The following KLRG1 variants were observed in gnomAD, a reference collection of about 807,000 sequenced individuals.
The protein encoded by KLRG1 is killer cell lectin like receptor G1.
A neutral mutation model predicts 21.8 loss-of-function variants in KLRG1; 16 were observed. The ratio of observed to expected loss-of-function variants is 0.73; its 90% CI spans 0.50 to 1.11. KLRG1 has a LOEUF of 1.11. Ranked by LOEUF, KLRG1 falls within the 50% of genes most tolerant of loss-of-function variation. The probability of loss-of-function intolerance (pLI) is 0.00; values close to 1 mark genes in which losing one functional copy is unlikely to be tolerated. For missense variants in KLRG1, 173 were observed against 218.3 expected, an observed-to-expected ratio of 0.79 and a Z score of 1.31; for synonymous variants, 69 against 75.9, an observed-to-expected ratio of 0.91 and a Z score of 0.47.
chr12:9,008,833 G>A, intron 3 of KLRG1, 142 bp from the exon 4 acceptor site: 1 of 614,984 alleles, frequency 1.6e-6, no homozygotes, highest in South Asian at 2.0e-5. Context: ...GTCCTTAAGA[G>A]TGGTGATGAT....
chr12:8,983,754 G>C (rs749296249), intron 1 of KLRG1, among the ~76,000 whole-genome samples: 27 of 152,092 alleles, frequency 1.8e-4, no homozygotes, highest in African/African-American at 6.5e-4. Flanking sequence ...TTTTGTTTCT[G>C]TTGAGAATTT....
the KLRG1 span, among the ~76,000 whole-genome samples, chr12:9,176,913 A>T: frequency 6.6e-6 from 1 of 152,198 alleles, no homozygotes; most frequent in Non-Finnish European, 1.5e-5. Flanking sequence ...GAGAGGCATT[A>T]TCTGTACTTG....
At chr12:9,160,582 T>A in the KLRG1 span, 1 of 1,164,502 alleles carries the variant, frequency 8.6e-7, no homozygotes, top group Non-Finnish European at 1.2e-6. Flanking sequence ...TCAGAGTCTA[T>A]CATTTAGGTA....
intron 1 of KLRG1, among the ~76,000 whole-genome samples, chr12:8,972,576 C>G (rs1352887643): frequency 6.6e-6 from 1 of 152,172 alleles, no homozygotes; most frequent in Non-Finnish European, 1.5e-5. Context: ...CTATTCTTTG[C>G]CTTTTGTATG....
chr12:9,115,881 A>T, the KLRG1 span: 1 of 1,543,118 alleles, frequency 6.5e-7, no homozygotes, highest in Non-Finnish European at 9.0e-7. Context: ...AGGAGAACAG[A>T]CTGTATTGTA....
At chr12:9,118,124 G>A in the KLRG1 span, among the ~76,000 whole-genome samples, 145 of 152,322 alleles carry the variant, frequency 9.5e-4, no homozygotes, top group Non-Finnish European at 1.8e-3. Flanking sequence ...GACAGAATAA[G>A]TGAGAATAGT....
In KLRG1 at chr12:8,983,395, CTTTTTTTTTTTTTT is replaced by C. The variant is rs764267755; in HGVS notation, c.-155-8802_-155-8789del. 3.4e-5 allele frequency among the ~76,000 whole-genome samples: 3 copies of C among 89,540 alleles called. No homozygotes were observed. In the Admixed American group the frequency reaches 4.6e-4, roughly 14 times the overall value. The allele number at this position is 89,540 out of a possible 152,430, so 58.7% of individuals were successfully genotyped here. On this transcript the variant is annotated intron_variant, in intron 1 of 4. Transcript: ENST00000539240. The stretch of plus-strand genomic sequence containing the variant: ...TGTATTGGCAGTCTTACCATTTTAC[CTTTTTTTTTTTTTT>C]TTTTTTTTGAGACAGAGTTTCGCTC...
At chr12:8,996,398 A>T (rs1947131493) in intron 3 of KLRG1, 1 of 152,224 alleles carries the variant, frequency 6.6e-6, no homozygotes. Flanking sequence ...CTAATTTGAT[A>T]CTGATTTTTG....
At chr12:9,088,974 G>T in the KLRG1 span, among the ~76,000 whole-genome samples, 1 of 152,140 alleles carries the variant, frequency 6.6e-6, no homozygotes, top group Non-Finnish European at 1.5e-5. Flanking sequence ...AAGTCATTTG[G>T]TGTTTGCACA....
intron 1 of KLRG1, among the ~76,000 whole-genome samples, chr12:8,959,755 T>G (rs1297169898): frequency 6.6e-6 from 1 of 152,220 alleles, no homozygotes; most frequent in Non-Finnish European, 1.5e-5. Context: ...TACGTGTCTT[T>G]CGTTACATTT....
chr12:9,006,004 G>C (rs769410638), intron 3 of KLRG1, among the ~76,000 whole-genome samples: 1 of 152,300 alleles, frequency 6.6e-6, no homozygotes, highest in African/African-American at 2.4e-5. Context: ...CTGAGGGTTG[G>C]GGACCCTTGT....
chr12:9,106,747 A>G, the KLRG1 span: 2 of 466,334 alleles, frequency 4.3e-6, no homozygotes, highest in Non-Finnish European at 7.6e-6. Context: ...AATATTCTCT[A>G]GCAACTAAAT....
chr12:8,975,650 A>G (rs561373348), intron 1 of KLRG1, among the ~76,000 whole-genome samples: 2 of 151,652 alleles, frequency 1.3e-5, no homozygotes, highest in Non-Finnish European at 2.9e-5. Context: ...TGCAGCCTTG[A>G]CTTCCCAGGC....
At chr12:9,070,825 A>ATTT in the KLRG1 span, among the ~76,000 whole-genome samples, 5 of 145,862 alleles carry the variant, frequency 3.4e-5, no homozygotes, top group African/African-American at 1.3e-4. Flanking sequence ...GAGGATCTGC[A>ATTT]TTTTTTTTTT....
rs753850343 is a variant in KLRG1, at chr12:8,955,565, T to A, written c.-156+5329T>A. On this transcript the variant is annotated intron_variant, in intron 1 of 4. Coordinates refer to the KLRG1 transcript ENST00000539240. ...CTACCATGCTAGGATAATTTTTTTT[T>A]ATTTTTTGTAGAGATGAGGTTTCCT... Among the ~76,000 whole-genome samples, 12 of 151,726 alleles carry A rather than the reference T, an allele frequency of 7.9e-5. No homozygotes were observed. The East Asian group carries it at 1.5e-3, about 20-fold the overall frequency.
chr12:8,993,081 ATTTTTTT>A (rs35555710), intron 2 of KLRG1, among the ~76,000 whole-genome samples: 1 of 129,002 alleles, frequency 7.8e-6, no homozygotes, highest in Non-Finnish European at 1.7e-5. Flanking sequence ...AACATTCTGA[ATTTTTTT>A]TTTTTTTTTT....
At chr12:9,078,774 A>T in the KLRG1 span, among the ~76,000 whole-genome samples, 1 of 152,220 alleles carries the variant, frequency 6.6e-6, no homozygotes, top group African/African-American at 2.4e-5. Flanking sequence ...CATGCAGTAA[A>T]TTTTAATATT....
chr12:8,968,735 A>G (rs1044112072), intron 1 of KLRG1, among the ~76,000 whole-genome samples: 6 of 152,238 alleles, frequency 3.9e-5, no homozygotes, highest in East Asian at 1.9e-4. Flanking sequence ...ATACATTTAC[A>G]AGGACTGAAA....
the KLRG1 span, chr12:9,091,413 C>T: frequency 1.4e-5 from 23 of 1,614,050 alleles, 1 homozygote; most frequent in South Asian, 5.5e-5. Context: ...ACTCCTACCT[C>T]AGCCACACCT....
Sources: gnomAD v4.1 joint callset for allele counts (sites outside exome capture counted in the v4.1 genomes callset) on GRCh38, gnomAD v4.1.1 for gene constraint, MANE v1.5 for transcripts, NCBI Gene and HGNC (gene_info 2026-07-23, HGNC 2026-07-21) for gene names.